RNF111: variants seen among roughly 807,000 people sequenced by gnomAD.
RNF111 encodes E3 ubiquitin-protein ligase Arkadia.
RNF111 carries 17 observed loss-of-function variants against 95.1 expected under a neutral mutation model. The ratio of observed to expected loss-of-function variants is 0.18; its 90% CI spans 0.12 to 0.27. The LOEUF (loss-of-function observed/expected upper bound fraction) is 0.27. Ranked by LOEUF, RNF111 falls within the 10% of genes least tolerant of loss-of-function variation. RNF111 has a pLI of 1.00. For synonymous variants in RNF111, 440 were observed against 414.8 expected (o/e 1.06, Z -0.74); for missense variants, 1,189 against 1,210.4 (o/e 0.98, Z 0.26).
At chr15:59,072,988 A>T (rs1295055313) in intron 6 of RNF111, among the ~76,000 whole-genome samples, 3 of 152,014 alleles carry the variant, frequency 2.0e-5, no homozygotes, top group Admixed American at 6.6e-5. Flanking sequence ...TCTGGGCAAC[A>T]TGGCAAGACT....
At chr15:59,005,671 C>CA (rs542773465) in intron 1 of RNF111, among the ~76,000 whole-genome samples, 103 of 146,314 alleles carry the variant, frequency 7.0e-4, no homozygotes, top group South Asian at 6.1e-3. Context: ...GAAGTCGTAC[C>CA]AAAAAAAAAA....
Position 59,058,557 on chromosome 15 carries a change from A to G in RNF111, c.1366+7A>G. ...ACTGGCACTTCTATAGGAGGTATGT[A>G]AAAAAGTGGGGGAGGGGAGACTTTT... On this transcript the variant is annotated splice_region_variant and intron_variant, in intron 5 of 13. Transcript: ENST00000348370. The G allele has an allele frequency of 6.2e-7, 1 of 1,612,850 alleles. No individual in the cohort carries two copies. The highest frequency in any genetic ancestry group is 1.7e-5 in the Admixed American group (1 of 60,000).
intron 6 of RNF111, among the ~76,000 whole-genome samples, chr15:59,069,561 T>C (rs1261048334): frequency 6.6e-6 from 1 of 152,210 alleles, no homozygotes; most frequent in African/African-American, 2.4e-5. Context: ...AAAATAAATA[T>C]AACTCGTTTA....
intron 2 of RNF111, among the ~76,000 whole-genome samples, chr15:59,034,399 C>G (rs959205052): frequency 6.6e-6 from 1 of 152,134 alleles, no homozygotes; most frequent in African/African-American, 2.4e-5. Context: ...TTAAATTCCT[C>G]GATGCTAATG....
chr15:59,058,920 A>G (rs1185524129), intron 5 of RNF111, among the ~76,000 whole-genome samples: 1 of 152,180 alleles, frequency 6.6e-6, no homozygotes, highest in African/African-American at 2.4e-5. Context: ...GGGGGGAAGA[A>G]AAATATTGCA....
intron 1 of RNF111, among the ~76,000 whole-genome samples, chr15:58,995,116 A>C (rs2039000914): frequency 6.6e-6 from 1 of 152,216 alleles, no homozygotes; most frequent in Non-Finnish European, 1.5e-5. Flanking sequence ...GAGATAGTGC[A>C]GCTACTCTGC....
At chr15:58,992,528 A>AT (rs2038864162) in intron 1 of RNF111, among the ~76,000 whole-genome samples, 1 of 152,114 alleles carries the variant, frequency 6.6e-6, no homozygotes. Flanking sequence ...TTTAAAATAT[A>AT]TTTTTTTGGC....
chr15:59,034,151 G>A (rs1007173443), intron 2 of RNF111, among the ~76,000 whole-genome samples: 1 of 152,088 alleles, frequency 6.6e-6, no homozygotes, highest in African/African-American at 2.4e-5. Flanking sequence ...ATATCACTAT[G>A]TATAGTTATC....
chr15:59,038,958 G>C (rs1678667850), intron 2 of RNF111, among the ~76,000 whole-genome samples: 1 of 151,856 alleles, frequency 6.6e-6, no homozygotes, highest in Admixed American at 6.6e-5. Context: ...TATATTAGGG[G>C]TGCAAAATAT....
rs114528459 is a variant in RNF111, at chr15:59,069,573, C to G, written c.1686+2490C>G. ...TGTAAAATAAATATAACTCGTTTAC[C>G]CACCTGTAAGTATTAGTAGAAGTAT... On this transcript the variant is annotated intron_variant, in intron 6 of 13. Coordinates refer to ENST00000348370, the MANE Select transcript of RNF111 (RefSeq NM_017610.8). Among the ~76,000 whole-genome samples the G allele has an allele frequency of 4.4e-3, 673 of 151,968 alleles. 6 individuals are homozygous for G. Among genetic ancestry groups the G allele is most frequent in the Middle Eastern group, 0.041 (12 of 294 alleles).
chr15:59,029,477 G>C (rs1410762707), intron 1 of RNF111, among the ~76,000 whole-genome samples: 1 of 152,214 alleles, frequency 6.6e-6, no homozygotes, highest in Non-Finnish European at 1.5e-5. Flanking sequence ...AAGAATAAAA[G>C]AAGATAGTGG....
At chr15:59,036,565 G>A (rs1390466117) in intron 2 of RNF111, among the ~76,000 whole-genome samples, 1 of 152,140 alleles carries the variant, frequency 6.6e-6, no homozygotes, top group African/African-American at 2.4e-5. Flanking sequence ...AACATGGTAT[G>A]TGGGAAAATT....
chr15:59,074,097 A>C (rs573872594), intron 6 of RNF111, among the ~76,000 whole-genome samples: 1 of 152,332 alleles, frequency 6.6e-6, no homozygotes, highest in Non-Finnish European at 1.5e-5. Context: ...CAGTATTCTT[A>C]AAATATTCAG....
intron 2 of RNF111, among the ~76,000 whole-genome samples, chr15:59,038,746 G>C (rs2041303396): frequency 6.6e-6 from 1 of 152,112 alleles, no homozygotes; most frequent in Non-Finnish European, 1.5e-5. Context: ...CTGGTAGGTA[G>C]TTGGGTCTAA....
At chr15:59,042,508 C>T (rs11855536) in intron 2 of RNF111, among the ~76,000 whole-genome samples, 43,749 of 152,066 alleles carry the variant, frequency 0.29, 6,424 homozygotes, top group East Asian at 0.41. Flanking sequence ...AATACTTTTA[C>T]CACTCCAAAG....
chr15:59,066,814 G>A lies in RNF111; in HGVS notation c.1417G>A (p.Ala473Thr). Reference protein sequence around the residue: ...SSAVTETGPPAMPRLPSCCPQ... With the variant: ...SSAVTETGPPTMPRLPSCCPQ... ...TGCTGTAACGGAAACTGGCCCTCCT[G>A]CAATGCCAAGGTTACCTTCCTGCTG... Residue 473 changes from alanine to threonine, a missense_variant, in exon 6 of 14, where the codon GCA (alanine) becomes ACA (threonine). Transcript: ENST00000348370. 1 of 1,614,002 alleles carries A rather than the reference G, an allele frequency of 6.2e-7. No homozygotes were observed. The highest frequency in any genetic ancestry group is 8.5e-7 in the Non-Finnish European group (1 of 1,179,984).
intron 6 of RNF111, among the ~76,000 whole-genome samples, chr15:59,073,687 A>C (rs1021877093): frequency 6.6e-6 from 1 of 152,138 alleles, no homozygotes; most frequent in African/African-American, 2.4e-5. Context: ...CTTGGAATCC[A>C]CTTCTTCCAA....
intron 2 of RNF111, among the ~76,000 whole-genome samples, chr15:59,042,380 C>A (rs1362831280): frequency 6.6e-6 from 1 of 152,120 alleles, no homozygotes; most frequent in South Asian, 2.1e-4. Flanking sequence ...ACCCGCTCGG[C>A]CTCACAAGGT....
At position 59,090,460 on chromosome 15, in the gene RNF111, C is replaced by T. The variant is rs1028425410; in HGVS notation, c.2644-599C>T. ...GGCCAGGCTGCTCTTGAACTCCTGACCTCAAGTGATCCACCCACCTTGGCC... is the reference window on the plus strand; with the variant it reads ...GGCCAGGCTGCTCTTGAACTCCTGATCTCAAGTGATCCACCCACCTTGGCC... On this transcript the variant is annotated intron_variant, in intron 11 of 13. Coordinates refer to ENST00000348370, the MANE Select transcript of RNF111 (RefSeq NM_017610.8). Among the ~76,000 whole-genome samples the T allele has an allele frequency of 3.9e-5, 6 of 152,256 alleles. No individual in the cohort carries two copies. In the South Asian group the frequency reaches 1.2e-3, roughly 32 times the overall value.
Sources: allele counts gnomAD v4.1 joint callset (sites outside exome capture counted in the v4.1 genomes callset), GRCh38; gene constraint gnomAD v4.1.1; transcripts MANE v1.5; gene names NCBI Gene and HGNC (gene_info 2026-07-23, HGNC 2026-07-21).